DUSP22: variants seen among roughly 807,000 people sequenced by gnomAD.
The protein encoded by DUSP22 is dual specificity protein phosphatase 22.
A neutral mutation model predicts 24.5 loss-of-function variants in DUSP22; 24 were observed. The observed-to-expected ratio is 0.98, with a 90% CI of 0.71 to 1.38. The LOEUF (loss-of-function observed/expected upper bound fraction) is 1.38, where lower values mean the gene tolerates loss of function less well. DUSP22 is among the 40% of genes most tolerant of loss of function. The pLI, the probability that DUSP22 is intolerant of heterozygous loss-of-function variation, is 0.00. For synonymous variants in DUSP22, 160 were observed against 106.4 expected, an observed-to-expected ratio of 1.50 and a Z score of -3.10; for missense variants, 330 against 269.2, an observed-to-expected ratio of 1.23 and a Z score of -1.58.
intron 1 of DUSP22, among the ~76,000 whole-genome samples, chr6:299,214 T>G (rs1305893875): frequency 6.6e-6 from 1 of 152,312 alleles, no homozygotes; most frequent in Non-Finnish European, 1.5e-5. Context: ...CTGTTTTTCT[T>G]GCTTCTGGCT....
intron 2 of DUSP22, among the ~76,000 whole-genome samples, chr6:307,335 T>A (rs1467972226): frequency 6.7e-6 from 1 of 149,892 alleles, no homozygotes; most frequent in African/African-American, 2.4e-5. Context: ...TCTCCCTCCC[T>A]CCCTTCCTTC....
chr6:303,452 C>T (rs1159263532), intron 1 of DUSP22, among the ~76,000 whole-genome samples: 1 of 152,308 alleles, frequency 6.6e-6, no homozygotes, highest in Non-Finnish European at 1.5e-5. Context: ...AGACATGAGC[C>T]ATGGGTTTTT....
rs1033372022 is a variant in DUSP22 at position 349,898 on chromosome 6, C to T, written c.*947C>T. 5 of 985,966 alleles carry T rather than the reference C, an allele frequency of 5.1e-6. No homozygotes were observed. Among genetic ancestry groups the T allele is most frequent in the Non-Finnish European group, 6.0e-6 (5 of 830,288 alleles). The allele number at this position is 985,966 out of a possible 1,614,324, so 61.1% of individuals were successfully genotyped here. A position where few individuals can be genotyped will look rare whatever the true frequency, so the allele number is the denominator to read the frequency against. ...CCAGGGCACCCCCTCCTCTCTGCTC[C>T]TTGCCAGCTTCATTCACTCCCAGCC... On this transcript the variant is annotated 3_prime_UTR_variant, in exon 7 of 7. Transcript: ENST00000419235.
At chr6:344,667 A>T (rs1267526602) in intron 4 of DUSP22, among the ~76,000 whole-genome samples, 17 of 152,300 alleles carry the variant, frequency 1.1e-4, no homozygotes, top group Non-Finnish European at 1.5e-4. Context: ...GCCCCACTTT[A>T]TAAATGAGAA....
intron 1 of DUSP22, among the ~76,000 whole-genome samples, chr6:293,574 G>GT (rs570004263): frequency 9.7e-4 from 148 of 152,316 alleles, no homozygotes; most frequent in Non-Finnish European, 1.5e-3. Flanking sequence ...ATGTGGCTGT[G>GT]TTTTTTTTCA....
intron 4 of DUSP22, among the ~76,000 whole-genome samples, chr6:342,636 C>T (rs1176015982): frequency 6.6e-6 from 1 of 152,306 alleles, no homozygotes; most frequent in Non-Finnish European, 1.5e-5. Context: ...TGGCAGAATA[C>T]CGTGTTTGAC....
intron 5 of DUSP22, among the ~76,000 whole-genome samples, chr6:346,429 G>GACAGACACACAC (rs1554102803): frequency 7.3e-5 from 11 of 151,200 alleles, no homozygotes; most frequent in African/African-American, 2.7e-4. Context: ...ATTTTGTGTA[G>GACAGACACACAC]ACACACACAC....
rs1244806030 is a variant in DUSP22, at chr6:348,177, A to G, written c.338A>G (p.Asp113Gly). The G allele has an allele frequency of 1.9e-6, 3 of 1,614,180 alleles. No homozygotes were observed. The highest frequency in any genetic ancestry group is 3.3e-5 in the Admixed American group (2 of 60,018). The change falls in exon 6 of 7, where the codon GAT (aspartate) becomes GGT (glycine). Residue 113 changes from aspartate (D) to glycine (G), a missense_variant. By Grantham distance (94) the Asp-to-Gly change is moderately conservative. Coordinates refer to ENST00000419235, the MANE Select transcript of DUSP22 (RefSeq NM_001286555.3). ...IMTVTDFGWE[D>G]ALHTVRAGRS... The stretch of plus-strand genomic sequence containing the variant: ...ACCGTCACTGACTTTGGCTGGGAGG[A>G]TGCCCTGCACACCGTGCGTGCTGGG...
At chr6:315,993 C>G (rs560645335) in intron 3 of DUSP22, among the ~76,000 whole-genome samples, 1 of 152,424 alleles carries the variant, frequency 6.6e-6, no homozygotes, top group East Asian at 1.9e-4. Flanking sequence ...GAATGAGATC[C>G]TTCTTCTGCC....
At chr6:336,390 A>G (rs530660149) in intron 4 of DUSP22, among the ~76,000 whole-genome samples, 6 of 152,420 alleles carry the variant, frequency 3.9e-5, no homozygotes, top group Admixed American at 2.6e-4. Context: ...CGCACACCCT[A>G]TGGATCAGGA....
At chr6:296,311 A>T (rs536144159) in intron 1 of DUSP22, among the ~76,000 whole-genome samples, 344 of 152,304 alleles carry the variant, frequency 2.3e-3, no homozygotes, top group Admixed American at 5.2e-3. Flanking sequence ...GTAAGCCACA[A>T]CTCCATGAAG....
Position 348,155 on chromosome 6 carries a change from G to A in DUSP22, c.316G>A (p.Val106Ile), listed in dbSNP as rs202152797. The A allele has an allele frequency of 3.8e-4, 619 of 1,614,142 alleles. No homozygotes were observed. In the East Asian group the frequency reaches 6.7e-3, roughly 17 times the overall value. ...VTLVIAYIMT[V>I]TDFGWEDALH... ...ACTGGTGATCGCATACATCATGACC[G>A]TCACTGACTTTGGCTGGGAGGATGC... The change falls in exon 6 of 7, where the codon GTC becomes ATC. Residue 106 changes from valine to isoleucine, a missense_variant. Val to Ile is a conservative substitution (Grantham distance 29). Coordinates refer to ENST00000419235, the MANE Select transcript of DUSP22 (RefSeq NM_001286555.3).
intron 3 of DUSP22, among the ~76,000 whole-genome samples, chr6:324,351 C>T (rs1422140749): frequency 2.0e-5 from 3 of 152,306 alleles, no homozygotes; most frequent in Admixed American, 6.5e-5. Flanking sequence ...GTGACCCGCT[C>T]ATCCTTAATC....
intron 4 of DUSP22, among the ~76,000 whole-genome samples, chr6:342,650 C>T (rs371220272): frequency 6.6e-6 from 1 of 152,302 alleles, no homozygotes; most frequent in Non-Finnish European, 1.5e-5. Flanking sequence ...GTTTGACTGA[C>T]ACATGGCATT....
chr6:317,608 G>GT (rs1254705762), intron 3 of DUSP22, among the ~76,000 whole-genome samples: 2 of 152,422 alleles, frequency 1.3e-5, no homozygotes, highest in East Asian at 3.8e-4. Context: ...CATGAGACAC[G>GT]TGTGCACTGT....
chr6:299,708 C>G (rs551480327), intron 1 of DUSP22, among the ~76,000 whole-genome samples: 1 of 152,426 alleles, frequency 6.6e-6, no homozygotes, highest in East Asian at 1.9e-4. Context: ...TACTCATCTT[C>G]AATTCCTTTT....
intron 1 of DUSP22, among the ~76,000 whole-genome samples, chr6:295,810 A>G (rs1015304550): frequency 6.6e-6 from 1 of 152,226 alleles, no homozygotes; most frequent in Admixed American, 6.5e-5. Context: ...AAAAAAAAAA[A>G]AAAAAAAACC....
At chr6:305,513 A>T (rs560281276) in intron 2 of DUSP22, among the ~76,000 whole-genome samples, 7 of 152,418 alleles carry the variant, frequency 4.6e-5, no homozygotes, top group South Asian at 2.1e-4. Context: ...TCTCTGGCAG[A>T]TTCTTCTCAT....
intron 1 of DUSP22, among the ~76,000 whole-genome samples, chr6:293,074 C>T (rs1451819281): frequency 3.3e-5 from 5 of 152,298 alleles, no homozygotes; most frequent in Non-Finnish European, 7.3e-5. Context: ...AAGTCCTGAG[C>T]TGTTTCTAGA....
Sources: allele counts gnomAD v4.1 joint callset (sites outside exome capture counted in the v4.1 genomes callset), GRCh38; gene constraint gnomAD v4.1.1; transcripts MANE v1.5; gene names NCBI Gene and HGNC (gene_info 2026-07-23, HGNC 2026-07-21).